The following F13A1 variants were observed in gnomAD, a reference collection of about 807,000 sequenced individuals.
The protein encoded by F13A1 is FSF, A subunit.
In F13A1, 47 loss-of-function variants were observed where a neutral mutation model predicts 80.1. The observed-to-expected ratio is 0.59, with a 90% CI of 0.46 to 0.75. The LOEUF is 0.75. Ranked by LOEUF, F13A1 falls within the 30% of genes least tolerant of loss-of-function variation. The pLI is 0.00. For synonymous variants in F13A1, 349 were observed against 344.9 expected, an observed-to-expected ratio of 1.01 and a Z score of -0.13; for missense variants, 817 against 930.4, an observed-to-expected ratio of 0.88 and a Z score of 1.59.
intron 3 of F13A1, among the ~76,000 whole-genome samples, chr6:6,300,396 T>C (rs1291988720): frequency 6.6e-6 from 1 of 151,288 alleles, no homozygotes; most frequent in Non-Finnish European, 1.5e-5. Context: ...TCAGCGAGAC[T>C]CCGTGGGCGT....
Position 6,145,665 on chromosome 6 carries a change from A to G in F13A1, c.2153T>C (p.Val718Ala), listed in dbSNP as rs757948077. Residue 718 changes from valine (V) to alanine (A), a missense_variant, in exon 15 of 15, where the codon GTG becomes GCG. Physicochemically the swap from Val to Ala is moderately conservative, Grantham distance 64 (BLOSUM62 0). Transcript: ENST00000264870. ...AATCTGCACGTCCAGCTCGCCATAC[A>G]CATGTCTCAGGGAGTCACTGCTCAT... ...ASMSSDSLRH[V>A]YGELDVQIQR... 6.2e-7 allele frequency: 1 copy of G among 1,614,134 alleles called. No homozygotes were observed. Among genetic ancestry groups the G allele is most frequent in the Non-Finnish European group, 8.5e-7 (1 of 1,180,020 alleles).
At chr6:6,193,117 A>C (rs2151081237) in intron 10 of F13A1, among the ~76,000 whole-genome samples, 2 of 152,270 alleles carry the variant, frequency 1.3e-5, no homozygotes, top group South Asian at 4.2e-4. Context: ...GGGTAAGAGA[A>C]ATAAGCTTCA....
At chr6:6,209,042 T>C (rs1761548914) in intron 8 of F13A1, among the ~76,000 whole-genome samples, 1 of 151,972 alleles carries the variant, frequency 6.6e-6, no homozygotes, top group South Asian at 2.1e-4. Flanking sequence ...ATTAAGAAAG[T>C]GAAAAGAGAG....
rs2295753 is a variant in F13A1 at position 6,305,244 on chromosome 6, C to A, written c.319+107G>T. 227,941 of 1,244,224 alleles carry A rather than the reference C, an allele frequency of 0.18. 25,718 individuals are homozygous for A. The highest frequency in any genetic ancestry group is 0.42 in the East Asian group (17,610 of 42,022). 77.1% of individuals were successfully genotyped at this position (1,244,224 alleles called of 1,614,324 possible). A position where few individuals can be genotyped will look rare whatever the true frequency, so the allele number is the denominator to read the frequency against. On this transcript the variant is annotated intron_variant, in intron 3 of 14. Transcript: ENST00000264870. ...GGGCTGGATGTCATTCCAGCTCCTGCCACTGTTGACATATGACACTAGGAA... is the reference window on the plus strand; with the variant it reads ...GGGCTGGATGTCATTCCAGCTCCTGACACTGTTGACATATGACACTAGGAA...
At chr6:6,197,428 C>T in intron 8 of F13A1, 102 bp from the exon 9 acceptor site, 1 of 1,159,742 alleles carries the variant, frequency 8.6e-7, no homozygotes, top group South Asian at 1.3e-5. Flanking sequence ...GCCTGTAATC[C>T]CAGCAATTTG....
At chr6:6,193,793 G>T (rs1244530217) in intron 10 of F13A1, among the ~76,000 whole-genome samples, 1 of 152,160 alleles carries the variant, frequency 6.6e-6, no homozygotes, top group East Asian at 1.9e-4. Context: ...GTGGATTTCA[G>T]AGTGATCTCC....
intron 6 of F13A1, among the ~76,000 whole-genome samples, chr6:6,247,494 T>C (rs1280222629): frequency 6.6e-6 from 1 of 152,180 alleles, no homozygotes; most frequent in Non-Finnish European, 1.5e-5. Flanking sequence ...TTGGGTACAT[T>C]GATATAATCC....
At chr6:6,320,465 G>A (rs1312357965) in intron 1 of F13A1, 122 bp downstream of exon 1, 2 of 324,470 alleles carry the variant, frequency 6.2e-6, no homozygotes, top group African/African-American at 2.2e-5. Flanking sequence ...GGCAAGTGGA[G>A]CTGCCTGTGA....
In F13A1 at chr6:6,263,537, T is replaced by C. The variant is rs1561672288; in HGVS notation, c.571+3021A>G. On this transcript the variant is annotated intron_variant, in intron 4 of 14. Coordinates refer to ENST00000264870, the MANE Select transcript of F13A1 (RefSeq NM_000129.4). ...ATTGTTAATGACCCTGAATCATTTG[T>C]GTCCGTTATTGCTCCTAACCGTGCC... Among the ~76,000 whole-genome samples the C allele has an allele frequency of 2.0e-5, 3 of 152,346 alleles. No homozygotes were observed. The South Asian group carries it at 6.2e-4, about 32-fold the overall frequency.
At chr6:6,248,476 T>C in intron 5 of F13A1, 57 bp from the exon 6 acceptor site, 2 of 1,368,608 alleles carry the variant, frequency 1.5e-6, no homozygotes, top group Non-Finnish European at 2.1e-6. Context: ...AGCAAAATAT[T>C]CTCTGATGAA....
intron 2 of F13A1, among the ~76,000 whole-genome samples, chr6:6,317,505 A>T (rs3024328): frequency 0.011 from 1,694 of 152,172 alleles, 16 homozygotes; most frequent in South Asian, 0.034. Context: ...TTTGATATCA[A>T]ATCATCTAGT....
intron 2 of F13A1, among the ~76,000 whole-genome samples, chr6:6,310,607 G>C (rs571061804): frequency 2.0e-5 from 3 of 152,126 alleles, no homozygotes; most frequent in Admixed American, 1.3e-4. Flanking sequence ...CAACTCTCAC[G>C]TACTGTCTTT....
chr6:6,173,554 C>A (rs897563111), intron 12 of F13A1, among the ~76,000 whole-genome samples: 4 of 151,984 alleles, frequency 2.6e-5, no homozygotes, highest in African/African-American at 9.7e-5. Context: ...ACTACAGGTG[C>A]CTGCCACCAC....
chr6:6,235,748 T>C (rs1386044134), intron 6 of F13A1, among the ~76,000 whole-genome samples: 1 of 152,104 alleles, frequency 6.6e-6, no homozygotes, highest in Admixed American at 6.6e-5. Flanking sequence ...ATTAAACCTA[T>C]GTTTAGCTTA....
chr6:6,190,353 T>C (rs1761163407), intron 10 of F13A1, among the ~76,000 whole-genome samples: 1 of 152,162 alleles, frequency 6.6e-6, no homozygotes, highest in Non-Finnish European at 1.5e-5. Context: ...ATCCTTGTGG[T>C]TTTATCTACT....
intron 8 of F13A1, among the ~76,000 whole-genome samples, chr6:6,207,615 G>C (rs1022009369): frequency 6.6e-6 from 1 of 152,164 alleles, no homozygotes; most frequent in East Asian, 1.9e-4. Flanking sequence ...TCTCATCTCT[G>C]GTTGATCTTG....
At chr6:6,271,590 C>A in intron 3 of F13A1, among the ~76,000 whole-genome samples, 1 of 152,216 alleles carries the variant, frequency 6.6e-6, no homozygotes, top group African/African-American at 2.4e-5. Context: ...AGACAGCATC[C>A]AAGAAAGGAA....
At chr6:6,265,667 A>T (rs1757833393) in intron 4 of F13A1, among the ~76,000 whole-genome samples, 1 of 152,226 alleles carries the variant, frequency 6.6e-6, no homozygotes, top group Admixed American at 6.5e-5. Context: ...AAGTACAGCT[A>T]CATCTTTGCA....
At position 6,275,976 on chromosome 6, in the gene F13A1, T is replaced by C. The variant is rs536995069; in HGVS notation, c.320-9167A>G. ...ACAAAGTTGGTTACAGAGCATAACA[T>C]TACACTGCAGATTTGTTCACGTTGC... On this transcript the variant is annotated intron_variant, in intron 3 of 14. Coordinates refer to ENST00000264870, the MANE Select transcript of F13A1 (RefSeq NM_000129.4). 1.5e-4 allele frequency among the ~76,000 whole-genome samples: 23 copies of C among 152,290 alleles called. No homozygotes were observed. In the South Asian group the frequency reaches 2.3e-3, roughly 15 times the overall value.
Sources: allele counts gnomAD v4.1 joint callset (sites outside exome capture counted in the v4.1 genomes callset), GRCh38; gene constraint gnomAD v4.1.1; transcripts MANE v1.5; gene names NCBI Gene and HGNC (gene_info 2026-07-23, HGNC 2026-07-21).